Variants in FBXL4 observed in about 807,000 individuals in gnomAD.
FBXL4 encodes the protein F-box and leucine rich repeat protein 4.
FBXL4 carries 40 observed loss-of-function variants against 58.9 expected under a neutral mutation model. That is an observed-to-expected ratio of 0.68 (90% CI 0.53 to 0.88). The LOEUF (loss-of-function observed/expected upper bound fraction) is 0.88. FBXL4 is among the 40% of genes least tolerant of loss of function. FBXL4 has a pLI of 0.00. For synonymous variants in FBXL4, 263 were observed against 265.5 expected, an observed-to-expected ratio of 0.99 and a Z score of 0.09; for missense variants, 676 against 734.4, an observed-to-expected ratio of 0.92 and a Z score of 0.92.
At chr6:98,900,851 A>G (rs1014119452) in intron 6 of FBXL4, among the ~76,000 whole-genome samples, 3 of 151,956 alleles carry the variant, frequency 2.0e-5, no homozygotes, top group Non-Finnish European at 4.4e-5. Flanking sequence ...ACAACTGCAC[A>G]CTCCTTCCTT....
chr6:98,910,450 G>A (rs960523005), intron 5 of FBXL4, among the ~76,000 whole-genome samples: 1 of 151,788 alleles, frequency 6.6e-6, no homozygotes, highest in Admixed American at 6.5e-5. Context: ...TCAGGAGATC[G>A]AGACAATACT....
At chr6:98,876,472 A>G (rs6928645) in intron 8 of FBXL4, among the ~76,000 whole-genome samples, 1 of 152,178 alleles carries the variant, frequency 6.6e-6, no homozygotes, top group Non-Finnish European at 1.5e-5. Flanking sequence ...TATCAAAAGG[A>G]AACAAAATAG....
At chr6:98,876,642 T>G (rs562014607) in intron 8 of FBXL4, among the ~76,000 whole-genome samples, 131 of 152,104 alleles carry the variant, frequency 8.6e-4, no homozygotes, top group South Asian at 2.1e-3. Flanking sequence ...AAGGAAAAAA[T>G]ACATTCAAAG....
chr6:98,917,066 A>AAGTG (rs1376089507), intron 5 of FBXL4, among the ~76,000 whole-genome samples: 9 of 152,132 alleles, frequency 5.9e-5, no homozygotes, highest in Non-Finnish European at 1.0e-4. Flanking sequence ...CCCACAGTTA[A>AAGTG]AGTGTAATAT....
In FBXL4 at chr6:98,910,657, GA is replaced by G. The variant is rs912880893; in HGVS notation, c.859-4988del. Among the ~76,000 whole-genome samples, 23 of 138,534 alleles carry G rather than the reference GA, an allele frequency of 1.7e-4. No individual in the cohort carries two copies. The East Asian group carries it at 3.1e-3, about 19-fold the overall frequency. The allele number at this position is 138,534 out of a possible 152,430, so 90.9% of individuals were successfully genotyped here. A position where few individuals can be genotyped will look rare whatever the true frequency, so the allele number is the denominator to read the frequency against. ...GGGCAACAGAGCGAGACTCCATCTC[GA>G]AAAAAAAAAGAAAAAAAAAAAGTAT... On this transcript the variant is annotated intron_variant, in intron 5 of 9. Coordinates refer to ENST00000369244, the MANE Select transcript of FBXL4 (RefSeq NM_001278716.2).
At chr6:98,907,164 A>C (rs1437489799) in intron 5 of FBXL4, among the ~76,000 whole-genome samples, 1 of 152,140 alleles carries the variant, frequency 6.6e-6, no homozygotes, top group Non-Finnish European at 1.5e-5. Flanking sequence ...TTCAGCTTCA[A>C]AGAGTCAGGG....
chr6:98,881,933 T>G lies in FBXL4; in HGVS notation c.1318-1309A>C, dbSNP rs542572269. Reference sequence around the variant, plus strand: ...AGACAGGAACATAACATTAGGTTTGTTTTTTTTTTAATTACAGGACCATAT... The same window carrying G: ...AGACAGGAACATAACATTAGGTTTGGTTTTTTTTTAATTACAGGACCATAT... On this transcript the variant is annotated intron_variant, in intron 7 of 9. Transcript: ENST00000369244. Among the ~76,000 whole-genome samples, 15 of 147,886 alleles carry G rather than the reference T, an allele frequency of 1.0e-4. No homozygotes were observed. In the South Asian group the frequency reaches 3.0e-3, roughly 30 times the overall value.
rs762333324 is a variant in FBXL4 at position 98,905,506 on chromosome 6, CTG to C, written c.1021_1022del (p.Gln341ValfsTer10). On this transcript the variant is annotated frameshift_variant, in exon 6 of 10. Coordinates refer to ENST00000369244, the MANE Select transcript of FBXL4 (RefSeq NM_001278716.2). LOFTEE classifies it high-confidence loss of function. The stretch of plus-strand genomic sequence containing the variant: ...GCCACTGGACAAGAGTGCAGCGAGA[CTG>C]TAGAAATTCCAGAGAAGTGTCATCT... ...KLDDTSLEFL[Q>X]SRCTLVQWLN... The C allele has an allele frequency of 6.2e-7, 1 of 1,614,012 alleles. No homozygotes were observed. Among genetic ancestry groups the C allele is most frequent in the Non-Finnish European group, 8.5e-7 (1 of 1,179,964 alleles).
chr6:98,905,006 C>T (rs1771744721), intron 6 of FBXL4, among the ~76,000 whole-genome samples: 1 of 152,152 alleles, frequency 6.6e-6, no homozygotes, highest in Admixed American at 6.5e-5. Flanking sequence ...ATGTATTGCA[C>T]ATGTAATTAA....
At chr6:98,928,332 CT>C (rs754221659) in intron 2 of FBXL4, among the ~76,000 whole-genome samples, 55 of 144,288 alleles carry the variant, frequency 3.8e-4, no homozygotes, top group East Asian at 4.0e-4. Context: ...ACCAACTTTT[CT>C]TTTTTTTTTT....
chr6:98,874,432 A>G lies in FBXL4; in HGVS notation c.1712T>C (p.Met571Thr), dbSNP rs1171970767. The stretch of plus-strand genomic sequence containing the variant: ...TTTTCTTAAGGATGCCGGACTTACC[A>G]TTCTTGTTCCTATTTAAGGGAAACA... ...LQQLDILGTRMVSPASLRKLL... is the reference protein window; with the variant it reads ...LQQLDILGTRTVSPASLRKLL... The change falls in exon 10 of 10, where the codon ATG becomes ACG. Residue 571 changes from methionine to threonine, a missense_variant. By Grantham distance (81) the Met-to-Thr change is moderately conservative. Transcript: ENST00000369244. 1 of 1,604,712 alleles carries G rather than the reference A, an allele frequency of 6.2e-7. No individual in the cohort carries two copies. Among genetic ancestry groups the G allele is most frequent in the South Asian group, 1.1e-5 (1 of 89,224 alleles).
At chr6:98,880,036 A>C (rs1770796256) in intron 8 of FBXL4, among the ~76,000 whole-genome samples, 1 of 152,006 alleles carries the variant, frequency 6.6e-6, no homozygotes, top group African/African-American at 2.4e-5. Flanking sequence ...GACCAGTAAA[A>C]TTTCCACACA....
intron 5 of FBXL4, among the ~76,000 whole-genome samples, chr6:98,909,068 A>C (rs899697916): frequency 1.2e-4 from 18 of 152,206 alleles, no homozygotes; most frequent in African/African-American, 4.3e-4. Flanking sequence ...ACACTGATTA[A>C]GGAAAACCGA....
In FBXL4 at chr6:98,899,542, T is replaced by C. The variant is rs1192256877; in HGVS notation, c.1104-61A>G. 1.9e-6 allele frequency: 3 copies of C among 1,548,714 alleles called. No homozygotes were observed. The African/African-American group carries it at 4.2e-5, about 22-fold the overall frequency. ...CTAAAAGATATTTTTGCAAGAACTTTGGAATTTTAGCAACTCTAAGTAGAT... is the reference window on the plus strand; with the variant it reads ...CTAAAAGATATTTTTGCAAGAACTTCGGAATTTTAGCAACTCTAAGTAGAT... On this transcript the variant is annotated intron_variant, in intron 6 of 9. Transcript: ENST00000369244.
intron 5 of FBXL4, among the ~76,000 whole-genome samples, chr6:98,916,812 G>A (rs1479142468): frequency 1.4e-5 from 2 of 138,572 alleles, no homozygotes; most frequent in Non-Finnish European, 3.1e-5. Flanking sequence ...AAAACTTAAA[G>A]TATAATTAAA....
chr6:98,935,522 G>T (rs1251046576), intron 1 of FBXL4, among the ~76,000 whole-genome samples: 1 of 152,142 alleles, frequency 6.6e-6, no homozygotes, highest in South Asian at 2.1e-4. Flanking sequence ...GGGCGCGGTG[G>T]CTCACGCCTG....
chr6:98,893,060 T>C (rs922551181), intron 7 of FBXL4, among the ~76,000 whole-genome samples: 1 of 152,136 alleles, frequency 6.6e-6, no homozygotes, highest in African/African-American at 2.4e-5. Flanking sequence ...CTGAGCTACC[T>C]ATCATGCCCC....
At chr6:98,940,687 C>A (rs1773400945) in intron 1 of FBXL4, among the ~76,000 whole-genome samples, 1 of 151,856 alleles carries the variant, frequency 6.6e-6, no homozygotes, top group African/African-American at 2.4e-5. Context: ...GATACAATTT[C>A]TTTGTTAGAC....
intron 5 of FBXL4, among the ~76,000 whole-genome samples, chr6:98,912,193 T>C (rs141470024): frequency 0.024 from 3,598 of 152,248 alleles, 166 homozygotes; most frequent in African/African-American, 0.082. Flanking sequence ...ACCAAATCTA[T>C]GTCTGATTGG....
Sources: gnomAD v4.1 joint callset for allele counts (sites outside exome capture counted in the v4.1 genomes callset) on GRCh38, gnomAD v4.1.1 for gene constraint, MANE v1.5 for transcripts, NCBI Gene and HGNC (gene_info 2026-07-23, HGNC 2026-07-21) for gene names.